ATG10: variants seen among roughly 807,000 people sequenced by gnomAD.
ATG10 encodes the protein autophagy related 10.
In ATG10, 30 loss-of-function variants were observed where a neutral mutation model predicts 32.1. The ratio of observed to expected loss-of-function variants is 0.94; its 90% confidence interval spans 0.70 to 1.27. The LOEUF (loss-of-function observed/expected upper bound fraction) is 1.27. ATG10 is among the 50% of genes most tolerant of loss of function. The probability of loss-of-function intolerance (pLI) is 0.00; values close to 1 mark genes in which losing one functional copy is unlikely to be tolerated. For missense variants in ATG10, 233 were observed against 262.3 expected (o/e 0.89, Z 0.77); for synonymous variants, 87 against 91.5 (o/e 0.95, Z 0.28).
intron 5 of ATG10, among the ~76,000 whole-genome samples, chr5:82,227,345 T>TCA (rs958422896): frequency 6.0e-4 from 91 of 152,000 alleles, no homozygotes; most frequent in African/African-American, 2.0e-3. Flanking sequence ...AGGTCCCAAT[T>TCA]CACACACATA....
At chr5:82,218,658 G>A (rs981592437) in intron 5 of ATG10, among the ~76,000 whole-genome samples, 4 of 151,928 alleles carry the variant, frequency 2.6e-5, no homozygotes, top group South Asian at 2.1e-4. Flanking sequence ...CAATAATTCC[G>A]TCCATTACAT....
chr5:82,083,364 C>T (rs1764552597), intron 3 of ATG10, among the ~76,000 whole-genome samples: 1 of 152,188 alleles, frequency 6.6e-6, no homozygotes, highest in African/African-American at 2.4e-5. Flanking sequence ...CACTGCAGCT[C>T]AAGGAGGCCT....
chr5:82,049,299 C>CA (rs1763326074), intron 2 of ATG10, among the ~76,000 whole-genome samples: 1 of 149,364 alleles, frequency 6.7e-6, no homozygotes, highest in South Asian at 2.1e-4. Flanking sequence ...ATCGCAAGAA[C>CA]AAAAAACCAA....
chr5:82,222,973 T>C (rs1375614431), intron 5 of ATG10, among the ~76,000 whole-genome samples: 1 of 152,248 alleles, frequency 6.6e-6, no homozygotes, highest in South Asian at 2.1e-4. Flanking sequence ...GGCATTTAAT[T>C]CTGTTAAGCA....
intron 3 of ATG10, among the ~76,000 whole-genome samples, chr5:82,134,147 A>T (rs1432040657): frequency 8.3e-5 from 6 of 72,648 alleles, no homozygotes; most frequent in African/African-American, 3.4e-4. Flanking sequence ...TTCTGGATAT[A>T]CAATGATGTC....
intron 5 of ATG10, among the ~76,000 whole-genome samples, chr5:82,238,735 A>T (rs944799091): frequency 2.6e-5 from 4 of 152,222 alleles, no homozygotes; most frequent in Non-Finnish European, 1.5e-5. Context: ...CACAATAAGT[A>T]TTCAGTGATG....
At chr5:82,138,589 C>T (rs952412001) in intron 3 of ATG10, among the ~76,000 whole-genome samples, 4 of 152,060 alleles carry the variant, frequency 2.6e-5, no homozygotes, top group Admixed American at 6.5e-5. Flanking sequence ...GAACTGGGTA[C>T]CTCAGTTGGA....
chr5:82,200,477 T>TC (rs1476849431), intron 5 of ATG10, among the ~76,000 whole-genome samples: 39 of 131,682 alleles, frequency 3.0e-4, no homozygotes, highest in South Asian at 1.5e-3. Flanking sequence ...TTTTTTTTTT[T>TC]TTTTTTTTTT....
chr5:82,125,362 A>C (rs927529354), intron 3 of ATG10, among the ~76,000 whole-genome samples: 33 of 152,284 alleles, frequency 2.2e-4, no homozygotes, highest in African/African-American at 7.7e-4. Context: ...GTCTTTGCCC[A>C]TGCCTAAGTC....
intron 2 of ATG10, among the ~76,000 whole-genome samples, chr5:82,053,603 C>CT (rs1561275248): frequency 6.6e-6 from 1 of 151,790 alleles, no homozygotes; most frequent in African/African-American, 2.4e-5. Context: ...TTATTTTGGT[C>CT]TTAGGTGAAG....
chr5:82,068,628 T>C (rs967415490), intron 3 of ATG10, among the ~76,000 whole-genome samples: 7 of 150,038 alleles, frequency 4.7e-5, no homozygotes, highest in African/African-American at 1.7e-4. Flanking sequence ...TGGCTCTTTT[T>C]TCATGAAGAA....
At chr5:82,214,721 A>G (rs1007887339) in intron 5 of ATG10, among the ~76,000 whole-genome samples, 1 of 152,106 alleles carries the variant, frequency 6.6e-6, no homozygotes, top group African/African-American at 2.4e-5. Context: ...TCTGCAAGAG[A>G]GTGGATCTCT....
At chr5:82,202,838 T>C (rs184490594) in intron 5 of ATG10, among the ~76,000 whole-genome samples, 38 of 152,186 alleles carry the variant, frequency 2.5e-4, no homozygotes, top group Non-Finnish European at 4.4e-4. Context: ...CTGAAACACG[T>C]TTCTCTCAAG....
At chr5:82,095,072 AAATT>A (rs1328235441) in intron 3 of ATG10, among the ~76,000 whole-genome samples, 13 of 152,166 alleles carry the variant, frequency 8.5e-5, no homozygotes, top group African/African-American at 1.9e-4. Context: ...AGTCAGCTAA[AAATT>A]AAATAAATAA....
intron 2 of ATG10, among the ~76,000 whole-genome samples, chr5:81,995,954 T>C (rs1004223838): frequency 1.1e-4 from 16 of 152,332 alleles, no homozygotes; most frequent in African/African-American, 3.4e-4. Context: ...ACAGAAGTTG[T>C]TTTCATAAAT....
chr5:82,100,533 A>G (rs1201885391), intron 3 of ATG10, among the ~76,000 whole-genome samples: 1 of 152,084 alleles, frequency 6.6e-6, no homozygotes, highest in Non-Finnish European at 1.5e-5. Context: ...AAAGAGAAAA[A>G]GATCTTTGGG....
chr5:82,209,059 G>T lies in ATG10; in HGVS notation c.453+30472G>T, dbSNP rs548246916. 2.6e-5 allele frequency among the ~76,000 whole-genome samples: 4 copies of T among 152,002 alleles called. No homozygotes were observed. In the South Asian group the frequency reaches 8.3e-4, roughly 32 times the overall value. On this transcript the variant is annotated intron_variant, in intron 5 of 7. Coordinates refer to ENST00000282185, the MANE Select transcript of ATG10 (RefSeq NM_031482.5). ...CTTTTTTTTTTCCTTTCCTCTGCAG[G>T]AGTTTATGTTTTGCTGATGTTATTT... is the stretch of plus-strand genomic sequence containing the variant.
chr5:82,058,675 C>A, intron 3 of ATG10, 73 bp downstream of exon 3: 2 of 965,560 alleles, frequency 2.1e-6, no homozygotes, highest in Non-Finnish European at 3.3e-6. Context: ...ACTTTAATGA[C>A]TCCATCGCAT....
rs1440111522 is a variant in ATG10 at position 81,972,136 on chromosome 5, C to G, written c.-183C>G. The G allele has an allele frequency of 6.6e-6, 1 of 152,292 alleles. No individual in the cohort carries two copies. The highest frequency in any genetic ancestry group is 1.5e-5 in the Non-Finnish European group (1 of 68,088). The allele number at this position is 152,292 out of a possible 1,614,324, so 9.4% of individuals were successfully genotyped here. On this transcript the variant is annotated 5_prime_UTR_variant, in exon 1 of 8. Coordinates refer to ENST00000282185, the MANE Select transcript of ATG10 (RefSeq NM_031482.5). ...GGCCTCGGGGCGCGCTGGCTCGGCT[C>G]TTCCTCCGCCCTCGAGGCCCCCGCA...
Sources: gnomAD v4.1 joint callset for allele counts (sites outside exome capture counted in the v4.1 genomes callset) on GRCh38, gnomAD v4.1.1 for gene constraint, MANE v1.5 for transcripts, NCBI Gene and HGNC (gene_info 2026-07-23, HGNC 2026-07-21) for gene names.